Variants in TPPP observed in about 807,000 individuals in gnomAD.
TPPP encodes the protein tubulin polymerization promoting protein.
TPPP carries 6 observed loss-of-function variants against 15.5 expected under a neutral mutation model. The observed-to-expected ratio is 0.39, with a 90% CI of 0.21 to 0.77. TPPP has a LOEUF of 0.77. Ranked by LOEUF, TPPP falls within the 30% of genes least tolerant of loss-of-function variation. The pLI is 0.42. For missense variants in TPPP, 269 were observed against 307.2 expected, an observed-to-expected ratio of 0.88 and a Z score of 0.93; for synonymous variants, 146 against 133.9, an observed-to-expected ratio of 1.09 and a Z score of -0.63.
At chr5:687,042 C>A (rs1343926388) in intron 1 of TPPP, among the ~76,000 whole-genome samples, 5 of 130,954 alleles carry the variant, frequency 3.8e-5, no homozygotes, top group Non-Finnish European at 8.8e-5. Context: ...ATGCCTGGTG[C>A]TGTTACAGCA....
Position 660,685 on chromosome 5 carries a change from T to A in TPPP, c.*4417A>T, listed in dbSNP as rs1014869773. 1 of 152,172 alleles carries A rather than the reference T, an allele frequency of 6.6e-6. No individual in the cohort carries two copies. The highest frequency in any genetic ancestry group is 6.5e-5 in the Admixed American group (1 of 15,280). 9.4% of individuals were successfully genotyped at this position (152,172 alleles called of 1,614,324 possible). A position where few individuals can be genotyped will look rare whatever the true frequency, so the allele number is the denominator to read the frequency against. On this transcript the variant is annotated 3_prime_UTR_variant, in exon 4 of 4. Coordinates refer to ENST00000360578, the MANE Select transcript of TPPP (RefSeq NM_007030.3). ...CATCTCCATCTCAACTCCTCCCCAC[T>A]CCACTTGTACAGCAGGAGCCACAGG...
In TPPP at chr5:673,572, G is replaced by A. The variant is rs115960106; in HGVS notation, c.311+4178C>T. 2.8e-3 allele frequency among the ~76,000 whole-genome samples: 430 copies of A among 152,260 alleles called. 2 individuals are homozygous for A. Among genetic ancestry groups the A allele is most frequent in the African/African-American group, 9.8e-3 (409 of 41,562 alleles). ...CTCCCACACGGCGCCCACTCACGGT[G>A]CCCAGCCTGCCGACCAGGCTGCCCA... is the stretch of plus-strand genomic sequence containing the variant. On this transcript the variant is annotated intron_variant, in intron 2 of 3. Coordinates refer to ENST00000360578, the MANE Select transcript of TPPP (RefSeq NM_007030.3).
chr5:673,703 G>A (rs1327801872), intron 2 of TPPP, among the ~76,000 whole-genome samples: 1 of 152,156 alleles, frequency 6.6e-6, no homozygotes, highest in Non-Finnish European at 1.5e-5. Flanking sequence ...CCCAAGGCTG[G>A]TCCCCGGCCC....
intron 2 of TPPP, among the ~76,000 whole-genome samples, chr5:668,808 G>C (rs1026377677): frequency 6.6e-6 from 1 of 152,254 alleles, no homozygotes; most frequent in African/African-American, 2.4e-5. Context: ...AGACCACAGT[G>C]CTGTGATGTG....
At chr5:670,094 G>A (rs1482084179) in intron 2 of TPPP, among the ~76,000 whole-genome samples, 1 of 152,120 alleles carries the variant, frequency 6.6e-6, no homozygotes, top group Non-Finnish European at 1.5e-5. Flanking sequence ...CTGGCCTCTG[G>A]GCCTGGTTCA....
At chr5:680,441 CCTGCGGAGGTGCTTGGTGA>C (rs376796620) in intron 1 of TPPP, among the ~76,000 whole-genome samples, 1,800 of 118,252 alleles carry the variant, frequency 0.015, 54 homozygotes, top group African/African-American at 0.066. Flanking sequence ...GGCCACACCC[CCTGCGGAGGTGCTTGGTGA>C]CTGGGCTTCC....
At chr5:680,924 A>G (rs535228324) in intron 1 of TPPP, among the ~76,000 whole-genome samples, 39 of 152,382 alleles carry the variant, frequency 2.6e-4, no homozygotes, top group African/African-American at 9.1e-4. Flanking sequence ...CTGGAGGAGC[A>G]GGACACGGGC....
At chr5:674,221 A>AG (rs1740325517) in intron 2 of TPPP, among the ~76,000 whole-genome samples, 3 of 152,188 alleles carry the variant, frequency 2.0e-5, no homozygotes, top group Non-Finnish European at 4.4e-5. Flanking sequence ...GGCGGCACAG[A>AG]GGGCACCCAG....
upstream of TPPP, among the ~76,000 whole-genome samples, chr5:696,672 C>G (rs1203102990): frequency 2.3e-5 from 2 of 85,208 alleles, 1 homozygote; most frequent in Admixed American, 2.4e-4. Context: ...AAGCAGCTCC[C>G]ATGGGTCCTT....
At chr5:668,518 C>G (rs575361324) in intron 2 of TPPP, among the ~76,000 whole-genome samples, 6 of 151,898 alleles carry the variant, frequency 4.0e-5, no homozygotes, top group Non-Finnish European at 8.8e-5. Flanking sequence ...CAGCGAGGCC[C>G]CTGCACACTC....
At chr5:682,482 A>G (rs1351866725) in intron 1 of TPPP, among the ~76,000 whole-genome samples, 2 of 80,388 alleles carry the variant, frequency 2.5e-5, no homozygotes, top group Admixed American at 1.5e-4. Context: ...GTCTGTCACT[A>G]TGGCCAGGGG....
chr5:665,459 T>C (rs1342432741), intron 3 of TPPP, 163 bp from the exon 4 acceptor site: 3 of 692,846 alleles, frequency 4.3e-6, no homozygotes, highest in Non-Finnish European at 7.1e-6. Context: ...TTACCTCTCC[T>C]GACCCTGGGG....
chr5:698,124 T>C (rs1301937162), upstream of TPPP, among the ~76,000 whole-genome samples: 2 of 149,706 alleles, frequency 1.3e-5, no homozygotes, highest in Non-Finnish European at 3.0e-5. Context: ...CTCTTCATGA[T>C]AAAAATTCTC....
At chr5:675,869 CCT>C (rs1740414409) in intron 2 of TPPP, 1 of 152,168 alleles carries the variant, frequency 6.6e-6, no homozygotes, top group African/African-American at 2.4e-5. Flanking sequence ...GCCACAGCCT[CCT>C]CTCACACCGG....
At chr5:669,810 C>G (rs1006002756) in intron 2 of TPPP, among the ~76,000 whole-genome samples, 26 of 152,216 alleles carry the variant, frequency 1.7e-4, no homozygotes, top group Admixed American at 3.3e-4. Context: ...GGGTGCCCCC[C>G]GCCTGGGGCA....
At position 668,328 on chromosome 5, in the gene TPPP, T is replaced by C. The variant is rs111405937; in HGVS notation, c.312-2205A>G. 1.6e-3 allele frequency among the ~76,000 whole-genome samples: 103 copies of C among 66,000 alleles called. 2 individuals carry two copies. The East Asian group carries it at 0.02, about 13-fold the overall frequency. The allele number at this position is 66,000 out of a possible 152,430, so 43.3% of individuals were successfully genotyped here. ...CGACAAGCACACAGAGAGGGGGCCGTGTGGGCGCCGTCAGGGAAGTGCGGA... is the reference window on the plus strand; with the variant it reads ...CGACAAGCACACAGAGAGGGGGCCGCGTGGGCGCCGTCAGGGAAGTGCGGA... On this transcript the variant is annotated intron_variant, in intron 2 of 3. Transcript: ENST00000360578.
chr5:676,862 CACG>C (rs1740456756), intron 2 of TPPP, among the ~76,000 whole-genome samples: 1 of 149,490 alleles, frequency 6.7e-6, no homozygotes, highest in African/African-American at 2.5e-5. Context: ...AACGCGCACA[CACG>C]ACGCAGAAAC....
chr5:676,594 CA>C (rs2126899945), intron 2 of TPPP: 1 of 152,382 alleles, frequency 6.6e-6, no homozygotes, highest in South Asian at 2.1e-4. Flanking sequence ...GAAATAAAGC[CA>C]TTGCCACACA....
chr5:671,138 C>T (rs373330744), intron 2 of TPPP, among the ~76,000 whole-genome samples: 4 of 152,236 alleles, frequency 2.6e-5, no homozygotes, highest in African/African-American at 2.4e-5. Context: ...AAGGCTCCCC[C>T]CTGCCTGAGG....
Sources: allele counts gnomAD v4.1 joint callset (sites outside exome capture counted in the v4.1 genomes callset), GRCh38; gene constraint gnomAD v4.1.1; transcripts MANE v1.5; gene names NCBI Gene and HGNC (gene_info 2026-07-23, HGNC 2026-07-21).